MBD5: variants seen among roughly 807,000 people sequenced by gnomAD.
The protein encoded by MBD5 is methyl-CpG-binding domain protein 5.
In MBD5, 13 loss-of-function variants were observed where a neutral mutation model predicts 117.3. The ratio of observed to expected loss-of-function variants is 0.11; its 90% confidence interval spans 0.07 to 0.18. The LOEUF (loss-of-function observed/expected upper bound fraction) is 0.18. MBD5 is among the 10% of genes least tolerant of loss of function. The probability of loss-of-function intolerance (pLI) is 1.00; values close to 1 mark genes in which losing one functional copy is unlikely to be tolerated. For missense variants in MBD5, 1,879 were observed against 2,093.8 expected (o/e 0.90, Z 2.00); for synonymous variants, 727 against 766.4 (o/e 0.95, Z 0.85).
intron 3 of MBD5, among the ~76,000 whole-genome samples, chr2:148,328,318 G>A (rs548585876): frequency 1.3e-5 from 2 of 152,134 alleles, no homozygotes; most frequent in East Asian, 1.9e-4. Context: ...TGCCCCCAGA[G>A]GTGGAGCCTA....
At chr2:148,330,053 C>CCCCCCCCCCCCCCCCCCA (rs1559026394) in intron 3 of MBD5, among the ~76,000 whole-genome samples, 1 of 21,088 alleles carries the variant, frequency 4.7e-5, no homozygotes. Context: ...GCCCCCCCCA[C>CCCCCCCCCCCCCCCCCCA]ACACACACAC....
intron 2 of MBD5, among the ~76,000 whole-genome samples, chr2:148,217,202 G>C (rs1699578910): frequency 6.6e-6 from 1 of 152,310 alleles, no homozygotes; most frequent in East Asian, 1.9e-4. Context: ...AGAGAATGGG[G>C]TGGGTGGGTG....
chr2:148,503,943 A>G (rs1298660626), intron 12 of MBD5, among the ~76,000 whole-genome samples: 1 of 152,242 alleles, frequency 6.6e-6, no homozygotes, highest in Non-Finnish European at 1.5e-5. Flanking sequence ...TGTTTCCTAC[A>G]GTGAAACATG....
intron 1 of MBD5, among the ~76,000 whole-genome samples, chr2:148,146,480 A>C (rs1054549472): frequency 6.6e-6 from 1 of 151,892 alleles, no homozygotes; most frequent in African/African-American, 2.4e-5. Context: ...CAAGTGACCC[A>C]CCTGCCTCAG....
At chr2:148,198,747 G>A (rs1699057692) in intron 2 of MBD5, among the ~76,000 whole-genome samples, 1 of 151,888 alleles carries the variant, frequency 6.6e-6, no homozygotes, top group African/African-American at 2.4e-5. Context: ...ATCTACCTAT[G>A]AAATTAAAAT....
rs778205075 is a variant in MBD5 at position 148,174,809 on chromosome 2, A to G, written c.-924-3891A>G. On this transcript the variant is annotated intron_variant, in intron 1 of 13. Coordinates refer to ENST00000642680, the MANE Select transcript of MBD5 (RefSeq NM_001378120.1). Reference sequence around the variant, plus strand: ...AAAAAAAAAAATACAAAAGATAACAAATGTTGATGACGATGTAAAGAAAAG... The same window carrying G: ...AAAAAAAAAAATACAAAAGATAACAGATGTTGATGACGATGTAAAGAAAAG... Among the ~76,000 whole-genome samples, 3 of 152,132 alleles carry G rather than the reference A, an allele frequency of 2.0e-5. No homozygotes were observed. In the South Asian group the frequency reaches 6.2e-4, roughly 31 times the overall value.
At chr2:148,322,793 A>G (rs542190253) in intron 3 of MBD5, among the ~76,000 whole-genome samples, 88 of 152,278 alleles carry the variant, frequency 5.8e-4, no homozygotes, top group African/African-American at 1.9e-3. Context: ...TATAACTTTT[A>G]TACATAAAAA....
At chr2:148,159,349 A>G (rs1384395225) in intron 1 of MBD5, among the ~76,000 whole-genome samples, 2 of 151,222 alleles carry the variant, frequency 1.3e-5, no homozygotes, top group Non-Finnish European at 3.0e-5. Flanking sequence ...ACAAGGTTTC[A>G]CTCTGTCTCC....
intron 1 of MBD5, among the ~76,000 whole-genome samples, chr2:148,137,370 T>C (rs1228902699): frequency 6.6e-6 from 1 of 152,218 alleles, no homozygotes; most frequent in East Asian, 1.9e-4. Context: ...ACTCTGCTGC[T>C]GTCTATACTA....
At chr2:148,449,760 T>G (rs1706669812) in intron 4 of MBD5, among the ~76,000 whole-genome samples, 1 of 152,124 alleles carries the variant, frequency 6.6e-6, no homozygotes, top group Non-Finnish European at 1.5e-5. Context: ...AGCATATTAC[T>G]GGGCATGAAG....
At chr2:148,448,870 T>G (rs1420344830) in intron 4 of MBD5, among the ~76,000 whole-genome samples, 1 of 152,034 alleles carries the variant, frequency 6.6e-6, no homozygotes, top group African/African-American at 2.4e-5. Context: ...GATGTGAAAA[T>G]TACCCCCCAA....
At chr2:148,396,725 T>G (rs567147448) in intron 4 of MBD5, among the ~76,000 whole-genome samples, 1 of 152,184 alleles carries the variant, frequency 6.6e-6, no homozygotes, top group East Asian at 1.9e-4. Context: ...GATCAGAAGG[T>G]GGGAAGTGAG....
At chr2:148,197,384 A>T (rs768373541) in intron 2 of MBD5, among the ~76,000 whole-genome samples, 2 of 152,150 alleles carry the variant, frequency 1.3e-5, no homozygotes, top group African/African-American at 2.4e-5. Flanking sequence ...AAACAAACTA[A>T]TGATTGTTTG....
At chr2:148,142,978 A>T (rs949535854) in intron 1 of MBD5, among the ~76,000 whole-genome samples, 1 of 152,218 alleles carries the variant, frequency 6.6e-6, no homozygotes, top group Non-Finnish European at 1.5e-5. Context: ...GACATTGACC[A>T]TTCATTTAAC....
rs185316586 is a variant in MBD5, at chr2:148,427,405, A to G, written c.-556-30798A>G. Among the ~76,000 whole-genome samples, 87 of 152,328 alleles carry G rather than the reference A, an allele frequency of 5.7e-4. 1 individual carries two copies. Among genetic ancestry groups the G allele is most frequent in the Non-Finnish European group, 9.3e-4 (63 of 68,034 alleles). The stretch of plus-strand genomic sequence containing the variant: ...TAGCAAAGACTTGGAACCAACCCAA[A>G]TGTCCAACAATGATAGACTGGATTC... On this transcript the variant is annotated intron_variant, in intron 4 of 13. Coordinates refer to ENST00000642680, the MANE Select transcript of MBD5 (RefSeq NM_001378120.1).
chr2:148,146,160 C>G (rs1317145584), intron 1 of MBD5, among the ~76,000 whole-genome samples: 1 of 152,100 alleles, frequency 6.6e-6, no homozygotes, highest in Non-Finnish European at 1.5e-5. Context: ...ATTTATTGAC[C>G]TACAGTTGTT....
At chr2:148,189,415 G>A (rs957221557) in intron 2 of MBD5, among the ~76,000 whole-genome samples, 6 of 149,860 alleles carry the variant, frequency 4.0e-5, no homozygotes, top group East Asian at 2.0e-4. Context: ...ATCTGAGAAC[G>A]GGCAGACTGC....
chr2:148,151,735 G>A (rs1697674906), intron 1 of MBD5, among the ~76,000 whole-genome samples: 1 of 152,148 alleles, frequency 6.6e-6, no homozygotes, highest in African/African-American at 2.4e-5. Flanking sequence ...GTGTAGAGGT[G>A]TTTGTAGTAT....
chr2:148,307,874 A>G (rs989382679), intron 3 of MBD5, among the ~76,000 whole-genome samples: 2 of 144,890 alleles, frequency 1.4e-5, no homozygotes, highest in African/African-American at 5.1e-5. Flanking sequence ...TCCCACTTGT[A>G]AGTGAGAACA....
Sources: allele counts gnomAD v4.1 joint callset (sites outside exome capture counted in the v4.1 genomes callset), GRCh38; gene constraint gnomAD v4.1.1; transcripts MANE v1.5; gene names NCBI Gene and HGNC (gene_info 2026-07-23, HGNC 2026-07-21).